LAMA1: variants seen among roughly 807,000 people sequenced by gnomAD.
LAMA1 encodes the protein laminin subunit alpha-1.
Under a neutral mutation model 348.7 loss-of-function variants are expected in LAMA1, and 219 were observed. That is an observed-to-expected ratio of 0.63 (90% CI 0.56 to 0.70). LAMA1 has a LOEUF of 0.70. Ranked by LOEUF, LAMA1 falls within the 30% of genes least tolerant of loss-of-function variation. The pLI is 0.00. For missense variants in LAMA1, 3,744 were observed against 3,888.0 expected (o/e 0.96, Z 0.99); for synonymous variants, 1,487 against 1,491.0 (o/e 1.00, Z 0.06).
At chr18:6,955,240 G>T in intron 57 of LAMA1, 113 bp downstream of exon 57, 2 of 824,178 alleles carry the variant, frequency 2.4e-6, no homozygotes, top group Non-Finnish European at 4.1e-6. Flanking sequence ...TGCAAATCAA[G>T]CACTTCATCA....
rs2057730882 is a variant in LAMA1, at chr18:6,985,538, C to G, written c.5485G>C (p.Asp1829His). The change falls in exon 38 of 63, where the codon GAT (aspartate) becomes CAT (histidine). Residue 1829 changes from aspartate to histidine, a missense_variant. Asp to His is a moderately conservative substitution (Grantham distance 81). Transcript: ENST00000389658. ...GAGATGTAATTTACCTCTAGAGCAT[C>G]TTGTACAGCATCTGTTTGTGCAGCA... ...AAAAQTDAVQ[D>H]ALEHLEDHQD... 6.2e-7 allele frequency: 1 copy of G among 1,614,052 alleles called. No homozygotes were observed. The highest frequency in any genetic ancestry group is 8.5e-7 in the Non-Finnish European group (1 of 1,179,906).
At chr18:7,105,895 G>A (rs2058310041) in intron 1 of LAMA1, among the ~76,000 whole-genome samples, 1 of 152,184 alleles carries the variant, frequency 6.6e-6, no homozygotes, top group South Asian at 2.1e-4. Context: ...AAACTGTGGG[G>A]AAACCCATTT....
At chr18:7,016,811 G>A in intron 20 of LAMA1, 140 bp from the exon 21 acceptor site, 1 of 796,092 alleles carries the variant, frequency 1.3e-6, no homozygotes, top group Non-Finnish European at 2.0e-6. Context: ...TCCCTTTATA[G>A]CAAACATCCA....
chr18:6,973,328 T>G, intron 46 of LAMA1, 121 bp from the exon 47 acceptor site: 4 of 860,600 alleles, frequency 4.6e-6, no homozygotes, highest in Admixed American at 2.0e-5. Flanking sequence ...AGCACCCCCC[T>G]GCTGGCCTCC....
At chr18:7,107,621 G>A (rs2058317684) in intron 1 of LAMA1, among the ~76,000 whole-genome samples, 1 of 152,068 alleles carries the variant, frequency 6.6e-6, no homozygotes, top group Non-Finnish European at 1.5e-5. Context: ...GGATGAATGA[G>A]TGAATAAATG....
chr18:7,008,803 G>A (rs2144110746), intron 27 of LAMA1, among the ~76,000 whole-genome samples, 195 bp from the exon 28 acceptor site: 1 of 152,262 alleles, frequency 6.6e-6, no homozygotes, highest in African/African-American at 2.4e-5. Flanking sequence ...AGACATTTTA[G>A]AATTTAAAAA....
intron 1 of LAMA1, 24 bp downstream of exon 1, chr18:7,117,636 C>A (rs1022418278): frequency 1.3e-6 from 2 of 1,594,682 alleles, no homozygotes. Flanking sequence ...GGGACAGGGA[C>A]CCTAGGACCC....
intron 20 of LAMA1, 84 bp downstream of exon 20, chr18:7,017,194 C>T: frequency 9.6e-7 from 1 of 1,040,198 alleles, no homozygotes; most frequent in East Asian, 2.5e-5. Flanking sequence ...AACTAATACA[C>T]TTGGGGACTT....
intron 11 of LAMA1, 103 bp downstream of exon 11, chr18:7,038,707 G>A (rs2058007120): frequency 6.9e-7 from 1 of 1,449,024 alleles, no homozygotes; most frequent in Non-Finnish European, 9.6e-7. Context: ...GATGAGAGTG[G>A]TGTCACGGGA....
chr18:7,016,071 A>T (rs2057886407), intron 21 of LAMA1, among the ~76,000 whole-genome samples: 3 of 152,170 alleles, frequency 2.0e-5, no homozygotes, highest in Non-Finnish European at 4.4e-5. Context: ...TGGGGACAGG[A>T]CAGGGGAAAT....
intron 41 of LAMA1, among the ~76,000 whole-genome samples, chr18:6,981,020 G>A (rs748550314): frequency 3.3e-5 from 5 of 151,694 alleles, no homozygotes; most frequent in Admixed American, 2.0e-4. Context: ...GGAGAATGGC[G>A]TGAACCCGGG....
chr18:6,974,978 C>T lies in LAMA1; in HGVS notation c.6548G>A (p.Gly2183Asp), dbSNP rs776602876. ...RGRVAFLWDL[G>D]SGSTRLEFPD... is the part of the protein sequence containing the mutation. ...AAACTCCAAGCGTGTGGACCCGGAG[C>T]CCAGGTCCCACAGGAAGGCCACTCT... Residue 2183 changes from glycine (G) to aspartate (D), a missense_variant, in exon 46 of 63, where the codon GGC becomes GAC. Gly to Asp is a moderately conservative substitution (Grantham distance 94). Transcript: ENST00000389658. The T allele has an allele frequency of 4.3e-6, 7 of 1,613,974 alleles. No homozygotes were observed. Among genetic ancestry groups the T allele is most frequent in the African/African-American group, 2.7e-5 (2 of 75,016 alleles).
chr18:6,977,191 T>C (rs57491549), intron 44 of LAMA1, among the ~76,000 whole-genome samples: 30,663 of 152,194 alleles, frequency 0.2, 3,855 homozygotes, highest in African/African-American at 0.35. Context: ...CATCTTCTCA[T>C]GTGTGAACTG....
At chr18:6,995,515 ACTT>A in intron 33 of LAMA1, 69 bp from the exon 34 acceptor site, 1 of 839,564 alleles carries the variant, frequency 1.2e-6, no homozygotes, top group Non-Finnish European at 2.1e-6. Context: ...ACTAAGAAGC[ACTT>A]GCATTTCTTT....
chr18:6,956,726 G>A lies in LAMA1; in HGVS notation c.8004C>T (p.Val2668=), dbSNP rs776351965. ...DFNSAVGHEQ[V]DLDTCWLSER... is the part of the protein sequence containing the mutation. ...CTGACAGCCAGCAGGTGTCCAGGTC[G>A]ACTTGCTCATGGCCAACTGCACTGT... is the stretch of plus-strand genomic sequence containing the variant. Residue 2668 remains valine, a synonymous_variant, in exon 56 of 63, where the codon GTC becomes GTT. Transcript: ENST00000389658. 21 of 1,614,046 alleles carry A rather than the reference G, an allele frequency of 1.3e-5. No homozygotes were observed. Among genetic ancestry groups the A allele is most frequent in the Admixed American group, 5.0e-5 (3 of 60,004 alleles).
chr18:6,978,029 A>C, intron 43 of LAMA1, 148 bp from the exon 44 acceptor site: 2 of 1,261,286 alleles, frequency 1.6e-6, no homozygotes, highest in Non-Finnish European at 1.1e-6. Flanking sequence ...AAAACTGCAC[A>C]AGTAGCATGC....
intron 1 of LAMA1, among the ~76,000 whole-genome samples, chr18:7,108,661 A>AAAAAAAAAAAAAAAAAAAAAC (rs2058323870): frequency 6.7e-6 from 1 of 149,630 alleles, no homozygotes; most frequent in African/African-American, 2.5e-5. Flanking sequence ...AAAAAAAAAA[A>AAAAAAAAAAAAAAAAAAAAAC]AAAAAAGCTA....
intron 3 of LAMA1, among the ~76,000 whole-genome samples, chr18:7,073,501 C>A (rs945068998): frequency 6.6e-6 from 1 of 152,172 alleles, no homozygotes; most frequent in Non-Finnish European, 1.5e-5. Flanking sequence ...CAAATTGATT[C>A]ATATAATATT....
chr18:7,036,325 T>C (rs1335325084), intron 12 of LAMA1, among the ~76,000 whole-genome samples: 2 of 152,218 alleles, frequency 1.3e-5, no homozygotes, highest in South Asian at 2.1e-4. Context: ...AGAAGAAAAA[T>C]GTACTCTTTG....
Sources: allele counts gnomAD v4.1 joint callset (sites outside exome capture counted in the v4.1 genomes callset), GRCh38; gene constraint gnomAD v4.1.1; transcripts MANE v1.5; gene names NCBI Gene and HGNC (gene_info 2026-07-23, HGNC 2026-07-21).